The following PARD3B variants were observed in gnomAD, a reference collection of about 807,000 sequenced individuals.
PARD3B encodes the protein par-3 family cell polarity regulator beta, also known as partitioning defective 3 homolog B.
Under a neutral mutation model 130.2 loss-of-function variants are expected in PARD3B, and 103 were observed. The ratio of observed to expected loss-of-function variants is 0.79; its 90% confidence interval spans 0.67 to 0.93. PARD3B has a LOEUF of 0.93. PARD3B is among the 40% of genes least tolerant of loss of function. The probability of loss-of-function intolerance (pLI) is 0.00; values close to 1 mark genes in which losing one functional copy is unlikely to be tolerated. For missense variants in PARD3B, 1,609 were observed against 1,499.2 expected, an observed-to-expected ratio of 1.07 and a Z score of -1.21; for synonymous variants, 583 against 553.2, an observed-to-expected ratio of 1.05 and a Z score of -0.76.
At position 205,618,793 on chromosome 2, in the gene PARD3B, A is replaced by C. The variant is rs2055512376; in HGVS notation, c.*2980A>C. Reference sequence around the variant, plus strand: ...GAGAAACACAGCCTCCCCAGAATCCATTATGCCATCGGGTTGTGGCACTCT... The same window carrying C: ...GAGAAACACAGCCTCCCCAGAATCCCTTATGCCATCGGGTTGTGGCACTCT... On this transcript the variant is annotated 3_prime_UTR_variant, in exon 23 of 23. Coordinates refer to ENST00000406610, the MANE Select transcript of PARD3B (RefSeq NM_001302769.2). 3 of 152,238 alleles carry C rather than the reference A, an allele frequency of 2.0e-5. No homozygotes were observed. Among genetic ancestry groups the C allele is most frequent in the Admixed American group, 2.0e-4 (3 of 15,288 alleles). 9.4% of individuals were successfully genotyped at this position (152,238 alleles called of 1,614,324 possible).
intron 15 of PARD3B, among the ~76,000 whole-genome samples, chr2:205,206,182 AT>A (rs1238372828): frequency 7.1e-6 from 1 of 140,472 alleles, no homozygotes; most frequent in Admixed American, 7.0e-5. Context: ...CATTGTTCAT[AT>A]TTAAATGAAA....
chr2:204,578,924 G>C (rs981799546), intron 1 of PARD3B, among the ~76,000 whole-genome samples: 4 of 152,048 alleles, frequency 2.6e-5, no homozygotes, highest in African/African-American at 9.7e-5. Flanking sequence ...GTAGACTTGG[G>C]ATGATGGGAG....
rs372182826 is a variant in PARD3B, at chr2:204,547,072, G to C, written c.120+953G>C. ...CAAATTCTTGTTTTAGCGGCCAATG[G>C]TTCTCTTAATATTTGGTCTCGTGCC... On this transcript the variant is annotated intron_variant, in intron 1 of 22. Transcript: ENST00000406610. Among the ~76,000 whole-genome samples, 7 of 152,152 alleles carry C rather than the reference G, an allele frequency of 4.6e-5. No individual in the cohort carries two copies. In the East Asian group the frequency reaches 1.3e-3, roughly 29 times the overall value.
chr2:204,814,802 C>G (rs1181805269), intron 2 of PARD3B, among the ~76,000 whole-genome samples: 2 of 151,784 alleles, frequency 1.3e-5, no homozygotes, highest in African/African-American at 4.8e-5. Context: ...TTGGAGATAT[C>G]AAAAGCTATT....
intron 1 of PARD3B, among the ~76,000 whole-genome samples, chr2:204,546,440 C>T (rs1197969833): frequency 6.6e-6 from 1 of 152,158 alleles, no homozygotes; most frequent in East Asian, 1.9e-4. Flanking sequence ...GGAATGCCCA[C>T]TGAAGTTTGA....
In PARD3B at chr2:204,810,095, T is replaced by TA. The variant is rs2042913130; in HGVS notation, c.222+123815dup. On this transcript the variant is annotated intron_variant, in intron 2 of 22. Transcript: ENST00000406610. ...ATTTTTTAACATTGATTTTTTTTTTTAATCCTGAAATTTTGGTGAATTTGT... is the reference window on the plus strand; with the variant it reads ...ATTTTTTAACATTGATTTTTTTTTTTAAATCCTGAAATTTTGGTGAATTTGT... Among the ~76,000 whole-genome samples the TA allele has an allele frequency of 2.7e-5, 4 of 148,696 alleles. No individual in the cohort carries two copies. The South Asian group carries it at 8.4e-4, about 31-fold the overall frequency.
At chr2:204,681,139 G>GT (rs2036812420) in intron 1 of PARD3B, among the ~76,000 whole-genome samples, 1 of 152,022 alleles carries the variant, frequency 6.6e-6, no homozygotes, top group Non-Finnish European at 1.5e-5. Context: ...TTATCTTTCT[G>GT]TTAGATTGAG....
chr2:205,290,859 A>C (rs2041582924), intron 16 of PARD3B, among the ~76,000 whole-genome samples: 1 of 152,172 alleles, frequency 6.6e-6, no homozygotes, highest in African/African-American at 2.4e-5. Flanking sequence ...GGCCCCAGAA[A>C]GCTCTTCCAC....
rs865844161 is a variant in PARD3B at position 205,421,790 on chromosome 2, A to C, written c.2742-18580A>C. ...TCAACTGAGCTGATTCCTTTTGCAGACTCATTGTCATTGGCTTTTACTTGG... is the reference window on the plus strand; with the variant it reads ...TCAACTGAGCTGATTCCTTTTGCAGCCTCATTGTCATTGGCTTTTACTTGG... On this transcript the variant is annotated intron_variant, in intron 19 of 22. Coordinates refer to ENST00000406610, the MANE Select transcript of PARD3B (RefSeq NM_001302769.2). The surrounding 1 kb of genome is among the most constrained non-coding windows in gnomAD (Gnocchi z 5.1). 6.6e-6 allele frequency among the ~76,000 whole-genome samples: 1 copy of C among 152,094 alleles called. No individual in the cohort carries two copies. Among genetic ancestry groups the C allele is most frequent in the Non-Finnish European group, 1.5e-5 (1 of 68,008 alleles).
intron 1 of PARD3B, 67 bp downstream of exon 1, chr2:204,546,186 C>G: frequency 6.5e-7 from 1 of 1,542,856 alleles, no homozygotes; most frequent in Non-Finnish European, 8.7e-7. Flanking sequence ...GACCCGGTGG[C>G]GACACTCAGG....
At chr2:204,617,272 T>C (rs890398684) in intron 1 of PARD3B, among the ~76,000 whole-genome samples, 1 of 152,218 alleles carries the variant, frequency 6.6e-6, no homozygotes, top group African/African-American at 2.4e-5. Flanking sequence ...AATCTCATCT[T>C]GATTCTTTCA....
At chr2:204,911,436 A>G (rs2047231832) in intron 2 of PARD3B, among the ~76,000 whole-genome samples, 1 of 152,248 alleles carries the variant, frequency 6.6e-6, no homozygotes, top group African/African-American at 2.4e-5. Flanking sequence ...AAACCAGGAT[A>G]CCACTTGTAT....
intron 2 of PARD3B, among the ~76,000 whole-genome samples, chr2:204,819,298 G>T (rs539133385): frequency 6.6e-6 from 1 of 152,288 alleles, no homozygotes; most frequent in South Asian, 2.1e-4. Context: ...TTCTTGCCAT[G>T]TTTCAAACCT....
At chr2:204,818,775 A>G (rs2043231362) in intron 2 of PARD3B, among the ~76,000 whole-genome samples, 4 of 152,222 alleles carry the variant, frequency 2.6e-5, no homozygotes, top group Admixed American at 2.6e-4. Context: ...TATCATAAAG[A>G]AAAAGGAACT....
chr2:205,530,038 C>G lies in PARD3B; in HGVS notation c.3181-23286C>G, dbSNP rs1028632639. On this transcript the variant is annotated intron_variant, in intron 21 of 22. Coordinates refer to ENST00000406610, the MANE Select transcript of PARD3B (RefSeq NM_001302769.2). This position sits in a 1 kb window ranked among gnomAD's most constrained non-coding sequence, Gnocchi z 4.7. ...TGGTATAGGCAGGCAAAGAAAGGTG[C>G]CACCCAACAATGCTGTGAAGAGTAA... is the stretch of plus-strand genomic sequence containing the variant. Among the ~76,000 whole-genome samples, 3 of 152,114 alleles carry G rather than the reference C, an allele frequency of 2.0e-5. No homozygotes were observed. The highest frequency in any genetic ancestry group is 7.2e-5 in the African/African-American group (3 of 41,428).
rs2036381441 is a variant in PARD3B, at chr2:204,673,058, ATTG to A, written c.121-13120_121-13118del. 6.6e-6 allele frequency among the ~76,000 whole-genome samples: 1 copy of A among 152,142 alleles called. No homozygotes were observed. The highest frequency in any genetic ancestry group is 2.1e-4 in the South Asian group (1 of 4,834). On this transcript the variant is annotated intron_variant, in intron 1 of 22. Transcript: ENST00000406610. The surrounding 1 kb of genome is among the most constrained non-coding windows in gnomAD (Gnocchi z 4.7). Reference sequence around the variant, plus strand: ...TCACAATCCAGTGAGGGTAGAGGATATTGTTCCCATTTATGAGTGGTAAATTTT... The same window carrying A: ...TCACAATCCAGTGAGGGTAGAGGATATTCCCATTTATGAGTGGTAAATTTT...
chr2:205,172,474 C>A lies in PARD3B; in HGVS notation c.1791+93C>A, dbSNP rs115991938. 6 of 1,297,834 alleles carry A rather than the reference C, an allele frequency of 4.6e-6. No homozygotes were observed. The South Asian group carries it at 4.6e-5, about 10-fold the overall frequency. 80.4% of individuals were successfully genotyped at this position (1,297,834 alleles called of 1,614,324 possible). ...CCTAGTATGGCAGCTAGATTCATATCGAGAAAATATGCCCCAGAAGGGCTT... is the reference window on the plus strand; with the variant it reads ...CCTAGTATGGCAGCTAGATTCATATAGAGAAAATATGCCCCAGAAGGGCTT... On this transcript the variant is annotated intron_variant, in intron 12 of 22. Coordinates refer to ENST00000406610, the MANE Select transcript of PARD3B (RefSeq NM_001302769.2).
intron 22 of PARD3B, among the ~76,000 whole-genome samples, chr2:205,608,364 AAG>A (rs1421637599): frequency 6.6e-6 from 1 of 152,168 alleles, no homozygotes; most frequent in Non-Finnish European, 1.5e-5. Flanking sequence ...TTACAATAGA[AAG>A]AGAGAGAGAT....
intron 4 of PARD3B, among the ~76,000 whole-genome samples, chr2:205,054,402 T>TATATATATATATATA (rs1559392745): frequency 1.0e-4 from 4 of 39,288 alleles, no homozygotes; most frequent in Middle Eastern, 0.018. Context: ...ATGACATGTC[T>TATATATATATATATA]TTTATATATA....
Sources: gnomAD v4.1 joint callset for allele counts (sites outside exome capture counted in the v4.1 genomes callset) on GRCh38, gnomAD v4.1.1 for gene constraint, Gnocchi (gnomAD v3.1) non-coding constraint, MANE v1.5 for transcripts, NCBI Gene and HGNC (gene_info 2026-07-23, HGNC 2026-07-21) for gene names.